The following LRRC4C variants were observed in gnomAD, a reference collection of about 807,000 sequenced individuals.
LRRC4C encodes the protein leucine rich repeat containing 4C, also known as leucine-rich repeat-containing protein 4C.
In LRRC4C, 5 loss-of-function variants were observed where a neutral mutation model predicts 33.6. The observed-to-expected ratio is 0.15, with a 90% CI of 0.08 to 0.31. The LOEUF is 0.31. LRRC4C is among the 10% of genes least tolerant of loss of function. The pLI, the probability that LRRC4C is intolerant of heterozygous loss-of-function variation, is 1.00. For synonymous variants in LRRC4C, 329 were observed against 302.0 expected (o/e 1.09, Z -0.93); for missense variants, 560 against 796.7 (o/e 0.70, Z 3.58).
intron 3 of LRRC4C, among the ~76,000 whole-genome samples, chr11:40,352,458 TTTTA>T (rs1489665275): frequency 6.6e-6 from 1 of 151,920 alleles, no homozygotes; most frequent in African/African-American, 2.4e-5. Context: ...TCTTTTTAAA[TTTTA>T]TTTTATTATT....
intron 3 of LRRC4C, among the ~76,000 whole-genome samples, chr11:40,584,942 TAAAAAAAAGAAAAAAA>T (rs1209924940): frequency 0.019 from 1,684 of 87,374 alleles, 37 homozygotes; most frequent in African/African-American, 0.07. Flanking sequence ...AAAAACCAAT[TAAAAAAAAGAAAAAAA>T]AAAAAAAAGA....
chr11:40,649,328 C>T (rs886827864), intron 2 of LRRC4C, among the ~76,000 whole-genome samples: 7 of 152,248 alleles, frequency 4.6e-5, no homozygotes, highest in African/African-American at 1.4e-4. Flanking sequence ...GAATGCATTC[C>T]TTTCCCAGGG....
At chr11:40,859,822 A>T (rs1301963530) in intron 2 of LRRC4C, among the ~76,000 whole-genome samples, 1 of 152,170 alleles carries the variant, frequency 6.6e-6, no homozygotes, top group Non-Finnish European at 1.5e-5. Flanking sequence ...CACGCCTGTA[A>T]TCCCAGCACT....
intron 2 of LRRC4C, among the ~76,000 whole-genome samples, chr11:40,859,641 T>G (rs987041891): frequency 6.6e-6 from 1 of 151,778 alleles, no homozygotes; most frequent in African/African-American, 2.4e-5. Context: ...AGAAAAAAAA[T>G]TTGTACTCAA....
chr11:40,630,559 T>C (rs1209171669), intron 3 of LRRC4C, among the ~76,000 whole-genome samples: 1 of 152,080 alleles, frequency 6.6e-6, no homozygotes, highest in Non-Finnish European at 1.5e-5. Context: ...TTATCACTAT[T>C]TGGTAATTCA....
At chr11:40,283,002 C>G (rs1174706737) in intron 4 of LRRC4C, among the ~76,000 whole-genome samples, 1 of 152,180 alleles carries the variant, frequency 6.6e-6, no homozygotes, top group Non-Finnish European at 1.5e-5. Context: ...AATTTACATT[C>G]TCTTCTTTGA....
intron 2 of LRRC4C, among the ~76,000 whole-genome samples, chr11:40,652,990 C>T (rs897194097): frequency 6.6e-6 from 1 of 152,152 alleles, no homozygotes; most frequent in Non-Finnish European, 1.5e-5. Flanking sequence ...ATAAGCATCT[C>T]ATTCTCTCTC....
At chr11:40,596,816 T>C (rs1959373616) in intron 3 of LRRC4C, among the ~76,000 whole-genome samples, 1 of 152,220 alleles carries the variant, frequency 6.6e-6, no homozygotes, top group South Asian at 2.1e-4. Flanking sequence ...CAGAGATGTC[T>C]GCATTCCCAT....
chr11:40,234,248 G>A (rs751216974), intron 5 of LRRC4C, among the ~76,000 whole-genome samples: 1 of 152,166 alleles, frequency 6.6e-6, no homozygotes, highest in Non-Finnish European at 1.5e-5. Flanking sequence ...TCATTTTGTA[G>A]AATTCTCTCA....
At chr11:40,460,973 CA>C (rs1324186252) in intron 3 of LRRC4C, among the ~76,000 whole-genome samples, 1 of 152,168 alleles carries the variant, frequency 6.6e-6, no homozygotes, top group East Asian at 1.9e-4. Context: ...GCAGCAAACT[CA>C]AATCCTAAAT....
intron 3 of LRRC4C, among the ~76,000 whole-genome samples, chr11:40,488,173 T>C (rs1175697589): frequency 6.6e-6 from 1 of 151,964 alleles, no homozygotes; most frequent in Non-Finnish European, 1.5e-5. Flanking sequence ...ACTAGGAAAA[T>C]GACAAACAGA....
intron 1 of LRRC4C, among the ~76,000 whole-genome samples, chr11:41,033,480 G>A (rs1856842974): frequency 6.6e-6 from 1 of 152,028 alleles, no homozygotes; most frequent in South Asian, 2.1e-4. Context: ...CTTATCCCGT[G>A]ATGCTCCCAG....
chr11:41,387,302 T>A (rs1953400381), intron 1 of LRRC4C, among the ~76,000 whole-genome samples: 1 of 151,696 alleles, frequency 6.6e-6, no homozygotes, highest in African/African-American at 2.4e-5. Context: ...AAAGATTAGA[T>A]GTAGAGGATT....
intron 2 of LRRC4C, among the ~76,000 whole-genome samples, chr11:40,883,549 A>G (rs1955289105): frequency 6.6e-6 from 1 of 152,134 alleles, no homozygotes; most frequent in Admixed American, 6.6e-5. Flanking sequence ...AAATCAGTTC[A>G]TCAACTCAAA....
At chr11:40,608,901 A>G (rs562798407) in intron 3 of LRRC4C, among the ~76,000 whole-genome samples, 1 of 152,286 alleles carries the variant, frequency 6.6e-6, no homozygotes, top group East Asian at 1.9e-4. Flanking sequence ...ATATACTATC[A>G]ACATCAACAC....
chr11:41,279,415 CA>C (rs1949590128), intron 1 of LRRC4C, among the ~76,000 whole-genome samples: 1 of 148,494 alleles, frequency 6.7e-6, no homozygotes, highest in Non-Finnish European at 1.5e-5. Context: ...CACACACACA[CA>C]CACACACACA....
intron 2 of LRRC4C, among the ~76,000 whole-genome samples, chr11:40,809,349 C>T (rs750467069): frequency 6.6e-6 from 1 of 152,088 alleles, no homozygotes; most frequent in South Asian, 2.1e-4. Flanking sequence ...ACTTCAAGGC[C>T]CTTTGGATTG....
chr11:40,994,730 T>G (rs1467297665), intron 1 of LRRC4C, among the ~76,000 whole-genome samples: 1 of 152,166 alleles, frequency 6.6e-6, no homozygotes, highest in Non-Finnish European at 1.5e-5. Context: ...TATTAAGCCT[T>G]TTATCCCAAC....
At chr11:40,887,803 G>A (rs1480083750) in intron 2 of LRRC4C, among the ~76,000 whole-genome samples, 1 of 151,946 alleles carries the variant, frequency 6.6e-6, no homozygotes, top group East Asian at 1.9e-4. Flanking sequence ...GAATATTAAT[G>A]ATGTTGTAAA....
Sources: allele counts gnomAD v4.1 joint callset (sites outside exome capture counted in the v4.1 genomes callset), GRCh38; gene constraint gnomAD v4.1.1; transcripts MANE v1.5; gene names NCBI Gene and HGNC (gene_info 2026-07-23, HGNC 2026-07-21).